Variants in PITPNA observed in about 807,000 individuals in gnomAD.
The protein encoded by PITPNA is phosphatidylinositol transfer protein alpha, also known as phosphatidylinositol transfer protein alpha isoform.
PITPNA carries 13 observed loss-of-function variants against 50.3 expected under a neutral mutation model. The observed-to-expected ratio is 0.26, with a 90% CI of 0.17 to 0.41. PITPNA has a LOEUF of 0.41. PITPNA is among the 10% of genes least tolerant of loss of function. PITPNA has a pLI of 1.00. For missense variants in PITPNA, 207 were observed against 333.4 expected (o/e 0.62, Z 2.95); for synonymous variants, 120 against 119.6 (o/e 1.00, Z -0.02).
rs535188956 is a variant in PITPNA at position 1,524,095 on chromosome 17, T to A, written c.769-2450A>T. On this transcript the variant is annotated intron_variant, in intron 10 of 11. Transcript: ENST00000313486. ...AGTCTCGCTCAGTCACCCAGGCTGG[T>A]GTGCAGTGGCACGATCTTGGCTCAC... Among the ~76,000 whole-genome samples the A allele has an allele frequency of 4.2e-3, 625 of 148,726 alleles. 7 individuals are homozygous for A. Among genetic ancestry groups the A allele is most frequent in the South Asian group, 9.2e-3 (43 of 4,686 alleles).
In PITPNA at chr17:1,537,894, G is replaced by A. The variant is rs983424545; in HGVS notation, c.456+975C>T. 5.3e-5 allele frequency among the ~76,000 whole-genome samples: 8 copies of A among 152,060 alleles called. No homozygotes were observed. The East Asian group carries it at 1.2e-3, about 22-fold the overall frequency. ...CTGCTCACTGCAACCTCTGCCTCCCGGGTTCAAGCGATTCTCTTGCCTCAG... is the reference window on the plus strand; with the variant it reads ...CTGCTCACTGCAACCTCTGCCTCCCAGGTTCAAGCGATTCTCTTGCCTCAG... On this transcript the variant is annotated intron_variant, in intron 7 of 11. Transcript: ENST00000313486.
At chr17:1,539,117 A>AATGGATTTT (rs1001799725) in intron 6 of PITPNA, among the ~76,000 whole-genome samples, 165 bp from the exon 7 acceptor site, 22 of 152,224 alleles carry the variant, frequency 1.4e-4, no homozygotes, top group Non-Finnish European at 2.9e-4. Flanking sequence ...GAAATGGGAG[A>AATGGATTTT]ATGGATTTTT....
chr17:1,518,696 G>C lies in PITPNA; in HGVS notation c.*1865C>G, dbSNP rs2075489221. ...CCTCAGACCACATAGACAACTGTCT[G>C]CCTAGAATGTCAGTTTGTTTCTTTC... On this transcript the variant is annotated 3_prime_UTR_variant, in exon 12 of 12. Coordinates refer to ENST00000313486, the MANE Select transcript of PITPNA (RefSeq NM_006224.4). 6.6e-6 allele frequency: 1 copy of C among 152,248 alleles called. No individual in the cohort carries two copies. Among genetic ancestry groups the C allele is most frequent in the Non-Finnish European group, 1.5e-5 (1 of 68,042 alleles). The allele number at this position is 152,248 out of a possible 1,614,324, so 9.4% of individuals were successfully genotyped here.
intron 7 of PITPNA, among the ~76,000 whole-genome samples, chr17:1,537,728 G>A (rs942084992): frequency 6.6e-6 from 1 of 152,136 alleles, no homozygotes; most frequent in Admixed American, 6.6e-5. Context: ...TTGAAGGTGG[G>A]GGTTGGGATA....
chr17:1,549,974 C>G (rs547160810), intron 3 of PITPNA, among the ~76,000 whole-genome samples: 1 of 152,190 alleles, frequency 6.6e-6, no homozygotes, highest in Non-Finnish European at 1.5e-5. Context: ...CGCGCCCAGC[C>G]GTCCTTGGTT....
intron 2 of PITPNA, among the ~76,000 whole-genome samples, chr17:1,556,629 C>T (rs2075736236): frequency 6.6e-6 from 1 of 152,150 alleles, no homozygotes; most frequent in Non-Finnish European, 1.5e-5. Flanking sequence ...CTAATCACCA[C>T]ACTAAGGAAA....
intron 4 of PITPNA, among the ~76,000 whole-genome samples, chr17:1,543,504 G>T (rs1386864970): frequency 1.3e-5 from 2 of 152,118 alleles, no homozygotes; most frequent in Non-Finnish European, 2.9e-5. Flanking sequence ...CCTGCTCATT[G>T]TAATGGGAAC....
chr17:1,552,961 C>T, intron 3 of PITPNA, 43 bp downstream of exon 3: 3 of 1,605,584 alleles, frequency 1.9e-6, no homozygotes, highest in African/African-American at 1.3e-5. Flanking sequence ...CATTCACACA[C>T]ACACAAAAGC....
At chr17:1,561,860 C>T in intron 1 of PITPNA, among the ~76,000 whole-genome samples, 1 of 152,182 alleles carries the variant, frequency 6.6e-6, no homozygotes, top group East Asian at 1.9e-4. Flanking sequence ...CCCATCCCAA[C>T]TCCATCGCGG....
chr17:1,547,860 G>A (rs1193688096), intron 4 of PITPNA, among the ~76,000 whole-genome samples: 4 of 151,882 alleles, frequency 2.6e-5, no homozygotes, highest in Admixed American at 2.0e-4. Context: ...CAGGCGTGGC[G>A]GTATGCGCCT....
intron 6 of PITPNA, among the ~76,000 whole-genome samples, chr17:1,539,925 C>G (rs568148960): frequency 1.7e-4 from 26 of 152,342 alleles, no homozygotes; most frequent in Admixed American, 7.2e-4. Context: ...TTAGTAGAAA[C>G]AGGGTTTCAC....
intron 10 of PITPNA, among the ~76,000 whole-genome samples, chr17:1,532,157 T>G (rs536293451): frequency 1.3e-5 from 2 of 152,142 alleles, no homozygotes; most frequent in Non-Finnish European, 2.9e-5. Flanking sequence ...GCATGATCTC[T>G]GCTCACTGCA....
At chr17:1,538,005 T>C (rs1165353213) in intron 7 of PITPNA, among the ~76,000 whole-genome samples, 1 of 152,138 alleles carries the variant, frequency 6.6e-6, no homozygotes, top group Non-Finnish European at 1.5e-5. Context: ...TTCACCATGT[T>C]GGGCAGGATG....
At chr17:1,533,993 G>T in intron 10 of PITPNA, 106 bp downstream of exon 10, 1 of 1,324,658 alleles carries the variant, frequency 7.5e-7, no homozygotes, top group Non-Finnish European at 1.1e-6. Context: ...ACACTGACGT[G>T]TTCCCAGAAC....
chr17:1,545,719 T>C (rs1363697701), intron 4 of PITPNA, among the ~76,000 whole-genome samples: 1 of 152,138 alleles, frequency 6.6e-6, no homozygotes, highest in Non-Finnish European at 1.5e-5. Context: ...AAAATGCCCA[T>C]GTCAGCCGCA....
At chr17:1,559,051 A>G (rs1252404606) in intron 1 of PITPNA, among the ~76,000 whole-genome samples, 1 of 151,966 alleles carries the variant, frequency 6.6e-6, no homozygotes, top group Non-Finnish European at 1.5e-5. Flanking sequence ...TCAGACCCAA[A>G]CAAGAGGCCC....
Position 1,545,959 on chromosome 17 carries a change from C to G in PITPNA, c.289+2337G>C, listed in dbSNP as rs184605480. On this transcript the variant is annotated intron_variant, in intron 4 of 11. Transcript: ENST00000313486. ...TTTTTTTTTAATAAACGGAGTTTTG[C>G]TCTTGTTGTCCAAGCTGGAGTGGAA... Among the ~76,000 whole-genome samples, 4 of 119,788 alleles carry G rather than the reference C, an allele frequency of 3.3e-5. No individual in the cohort carries two copies. In the East Asian group the frequency reaches 8.1e-4, roughly 24 times the overall value. 78.6% of individuals were successfully genotyped at this position (119,788 alleles called of 152,430 possible). A position where few individuals can be genotyped will look rare whatever the true frequency, so the allele number is the denominator to read the frequency against.
At chr17:1,534,046 T>C (rs1000815201) in intron 10 of PITPNA, 53 bp downstream of exon 10, 2 of 1,606,186 alleles carry the variant, frequency 1.2e-6, no homozygotes, top group African/African-American at 2.7e-5. Context: ...CAAAACAGTC[T>C]CCTTAATCTT....
At chr17:1,552,963 C>A (rs762073883) in intron 3 of PITPNA, 41 bp downstream of exon 3, 18 of 1,607,934 alleles carry the variant, frequency 1.1e-5, no homozygotes, top group South Asian at 1.1e-5. Flanking sequence ...TTCACACACA[C>A]ACAAAAGCCA....
Sources: gnomAD v4.1 joint callset for allele counts (sites outside exome capture counted in the v4.1 genomes callset) on GRCh38, gnomAD v4.1.1 for gene constraint, MANE v1.5 for transcripts, NCBI Gene and HGNC (gene_info 2026-07-23, HGNC 2026-07-21) for gene names.